Variants in PLXNB1 observed in about 807,000 individuals in gnomAD.
The protein encoded by PLXNB1 is plexin B1.
Under a neutral mutation model 209.4 loss-of-function variants are expected in PLXNB1, and 106 were observed. That is an observed-to-expected ratio of 0.51 (90% CI 0.43 to 0.59). The LOEUF (loss-of-function observed/expected upper bound fraction) is 0.59. PLXNB1 is among the 20% of genes least tolerant of loss of function. The pLI is 0.00. For synonymous variants in PLXNB1, 1,167 were observed against 1,183.2 expected (o/e 0.99, Z 0.28); for missense variants, 2,357 against 2,853.2 (o/e 0.83, Z 3.96).
At chr3:48,407,435 G>A (rs900319938) in intron 34 of PLXNB1, among the ~76,000 whole-genome samples, 1 of 152,104 alleles carries the variant, frequency 6.6e-6, no homozygotes, top group Non-Finnish European at 1.5e-5. Flanking sequence ...TTTTAAAAAT[G>A]AGCAAACAGA....
In PLXNB1 at chr3:48,417,056, G is replaced by A. The variant is rs959602854; in HGVS notation, c.3375-605C>T. Among the ~76,000 whole-genome samples, 3 of 152,186 alleles carry A rather than the reference G, an allele frequency of 2.0e-5. No homozygotes were observed. Among genetic ancestry groups the A allele is most frequent in the African/African-American group, 7.2e-5 (3 of 41,434 alleles). ...CACTAGGAAGACACAAGTGACGTGT[G>A]AGCCACCCAGGGGAGGCTCCAGACA... On this transcript the variant is annotated intron_variant, in intron 16 of 37. Transcript: ENST00000296440. The surrounding 1 kb of genome is among the most constrained non-coding windows in gnomAD (Gnocchi z 4.4).
At position 48,416,623 on chromosome 3, in the gene PLXNB1, A is replaced by G. The variant is rs1239203212; in HGVS notation, c.3375-172T>C. ...AGGGAATTCTTTATGACACATCAGA[A>G]GGCCTTGGTATCTGAGAATTAATAT... is the stretch of plus-strand genomic sequence containing the variant. On this transcript the variant is annotated intron_variant, in intron 16 of 37. Coordinates refer to ENST00000296440, the MANE Select transcript of PLXNB1 (RefSeq NM_001130082.3). This position sits in a 1 kb window ranked among gnomAD's most constrained non-coding sequence, Gnocchi z 4.1. 1 of 445,214 alleles carries G rather than the reference A, an allele frequency of 2.2e-6. No homozygotes were observed. The highest frequency in any genetic ancestry group is 4.2e-5 in the Admixed American group (1 of 23,926). The allele number at this position is 445,214 out of a possible 1,614,324, so 27.6% of individuals were successfully genotyped here.
intron 1 of PLXNB1, among the ~76,000 whole-genome samples, chr3:48,427,194 CAA>C (rs1041848109): frequency 3.4e-5 from 5 of 146,534 alleles, no homozygotes; most frequent in Non-Finnish European, 6.0e-5. Context: ...AAAACAAAAA[CAA>C]AAAAAAAACA....
Position 48,414,940 on chromosome 3 carries a change from G to A in PLXNB1, c.4068C>T (p.Ile1356=), listed in dbSNP as rs2037974760. ...CAAAGTCAAAGACCAGGTTGTCAAG[G>A]ATAAATTCCACCCGGACCCAGGGGT... ...PEDPWVRVEF[I]LDNLVFDFAT... is the part of the protein sequence containing the mutation. Residue 1356 remains isoleucine, a synonymous_variant, in exon 21 of 38, where the codon ATC becomes ATT. Coordinates refer to ENST00000296440, the MANE Select transcript of PLXNB1 (RefSeq NM_001130082.3). 1.2e-6 allele frequency: 2 copies of A among 1,613,960 alleles called. No individual in the cohort carries two copies. Among genetic ancestry groups the A allele is most frequent in the South Asian group, 1.1e-5 (1 of 91,086 alleles).
In PLXNB1 at chr3:48,419,892, T is replaced by G; in HGVS notation, c.2394A>C (p.Ala798=). 6.4e-7 allele frequency: 1 copy of G among 1,564,658 alleles called. No homozygotes were observed. The highest frequency in any genetic ancestry group is 1.7e-4 in the Middle Eastern group (1 of 5,822). ...GGCCAGGGTCTGCAGGGGGCACTGCTGCTACCTCTGAGGGTGACAGCGGGG... is the reference window on the plus strand; with the variant it reads ...GGCCAGGGTCTGCAGGGGGCACTGCGGCTACCTCTGAGGGTGACAGCGGGG... ...LASPLSPSEV[A]AVPPADPGPE... The change falls in exon 11 of 38, where the codon GCA becomes GCC. Residue 798 remains alanine (A), a synonymous_variant. Coordinates refer to ENST00000296440, the MANE Select transcript of PLXNB1 (RefSeq NM_001130082.3). This position sits in a 1 kb window ranked among gnomAD's most constrained non-coding sequence, Gnocchi z 5.7.
In PLXNB1 at chr3:48,418,573, G is replaced by C; in HGVS notation, c.2956-31C>G. 1.3e-6 allele frequency: 2 copies of C among 1,540,930 alleles called. No individual in the cohort carries two copies. Among genetic ancestry groups the C allele is most frequent in the South Asian group, 2.3e-5 (2 of 85,594 alleles). On this transcript the variant is annotated intron_variant, in intron 13 of 37. Transcript: ENST00000296440. The surrounding 1 kb of genome is among the most constrained non-coding windows in gnomAD (Gnocchi z 6.6). ...GAAATGGGAGTGGGTTCAGAGTCAA[G>C]CACTGGGGGAAGTGTCAGGCCTGGG...
chr3:48,418,300 T>A lies in PLXNB1; in HGVS notation c.3113A>T (p.Gln1038Leu), dbSNP rs774258229. 3 of 1,613,762 alleles carry A rather than the reference T, an allele frequency of 1.9e-6. No homozygotes were observed. The highest frequency in any genetic ancestry group is 2.5e-6 in the Non-Finnish European group (3 of 1,180,024). Residue 1038 changes from glutamine (Q) to leucine (L), a missense_variant, in exon 15 of 38, where the codon CAG becomes CTG. Coordinates refer to ENST00000296440, the MANE Select transcript of PLXNB1 (RefSeq NM_001130082.3). This position sits in a 1 kb window ranked among gnomAD's most constrained non-coding sequence, Gnocchi z 6.6. Reference sequence around the variant, plus strand: ...CCCCTCACACCACACACAGCCATACTGGGGCATGGCAGTTTGGCAGCGGCT... The same window carrying A: ...CCCCTCACACCACACACAGCCATACAGGGGCATGGCAGTTTGGCAGCGGCT... ...DCSRCQTAMP[Q>L]YGCVWCEGER...
chr3:48,420,657 AC>A lies in PLXNB1; in HGVS notation c.2028+7del. The A allele has an allele frequency of 6.2e-7, 1 of 1,610,568 alleles. No homozygotes were observed. The highest frequency in any genetic ancestry group is 8.5e-7 in the Non-Finnish European group (1 of 1,177,266). ...CCCCGGTATGGCCCAGCCCAAAGTC[AC>A]ACTCACCTGATGGCTTGCAACCATG... On this transcript the variant is annotated splice_region_variant and intron_variant, in intron 10 of 37. Transcript: ENST00000296440.
chr3:48,412,156 G>A, intron 27 of PLXNB1, 82 bp downstream of exon 27: 1 of 1,513,470 alleles, frequency 6.6e-7, no homozygotes, highest in Non-Finnish European at 9.2e-7. Context: ...AAGTGTCCGA[G>A]CTGCATGGTG....
chr3:48,426,866 C>G (rs1041565271), intron 1 of PLXNB1, among the ~76,000 whole-genome samples: 1 of 152,162 alleles, frequency 6.6e-6, no homozygotes, highest in Admixed American at 6.5e-5. Flanking sequence ...AAGAGCCCCC[C>G]ACCTAGTTTC....
At chr3:48,421,166 C>A (rs933216775) in intron 8 of PLXNB1, 62 bp downstream of exon 8, 431 of 1,560,152 alleles carry the variant, frequency 2.8e-4, no homozygotes, top group Admixed American at 3.9e-4. Context: ...CACACTTTAA[C>A]CCCACCGCAT....
chr3:48,420,634 C>A, intron 10 of PLXNB1, 31 bp downstream of exon 10: 1 of 1,571,418 alleles, frequency 6.4e-7, no homozygotes, highest in Non-Finnish European at 8.8e-7. Flanking sequence ...CCCAACCCCC[C>A]CGGTATGGCC....
At position 48,403,879 on chromosome 3, in the gene PLXNB1, A is replaced by C. The variant is rs2037155918; in HGVS notation, c.*607T>G. On this transcript the variant is annotated 3_prime_UTR_variant, in exon 38 of 38. Transcript: ENST00000296440. ...TGCAGTGTGTTATCCTTTAATGAAAAGCTGGGTCAATGGAGTCACCACTCT... is the reference window on the plus strand; with the variant it reads ...TGCAGTGTGTTATCCTTTAATGAAACGCTGGGTCAATGGAGTCACCACTCT... The C allele has an allele frequency of 6.5e-6, 1 of 152,966 alleles. No individual in the cohort carries two copies. The highest frequency in any genetic ancestry group is 1.5e-5 in the Non-Finnish European group (1 of 68,280). 9.5% of individuals were successfully genotyped at this position (152,966 alleles called of 1,614,324 possible).
In PLXNB1 at chr3:48,412,793, T is replaced by C; in HGVS notation, c.4803A>G (p.Gln1601=). The stretch of plus-strand genomic sequence containing the variant: ...GCAGGTTAGAGAGCTGCCCCAGCCC[T>C]TGCTCCACAGTGGGCCGTCTGCTCT... ...VPESRRPTVE[Q]GLGQLSNLLN... The change falls in exon 25 of 38, where the codon CAA becomes CAG. Residue 1601 remains glutamine (Q), a synonymous_variant. Coordinates refer to ENST00000296440, the MANE Select transcript of PLXNB1 (RefSeq NM_001130082.3). The C allele has an allele frequency of 6.2e-7, 1 of 1,613,600 alleles. No individual in the cohort carries two copies. Among genetic ancestry groups the C allele is most frequent in the Non-Finnish European group, 8.5e-7 (1 of 1,179,980 alleles).
At chr3:48,426,695 T>C (rs1034014867) in intron 1 of PLXNB1, among the ~76,000 whole-genome samples, 1 of 152,144 alleles carries the variant, frequency 6.6e-6, no homozygotes, top group Non-Finnish European at 1.5e-5. Context: ...CCGAAATAGC[T>C]TGGGGGTTTC....
Position 48,410,877 on chromosome 3 carries a change from G to C in PLXNB1, c.5407C>G (p.Leu1803Val), listed in dbSNP as rs1166448197. The C allele has an allele frequency of 3.1e-6, 5 of 1,610,886 alleles. No individual in the cohort carries two copies. In the Admixed American group the frequency reaches 6.7e-5, roughly 22 times the overall value. Residue 1803 changes from leucine to valine, a missense_variant, in exon 29 of 38, where the codon CTT (leucine) becomes GTT (valine). Physicochemically the swap from Leu to Val is conservative, Grantham distance 32. This residue lies in a region of PLXNB1 where 414 missense variants were observed against 520.5 expected (regional missense o/e 0.80). Coordinates refer to ENST00000296440, the MANE Select transcript of PLXNB1 (RefSeq NM_001130082.3). The surrounding 1 kb of genome is among the most constrained non-coding windows in gnomAD (Gnocchi z 6.4). ...PLTQRPDPRT[L>V]DVEWRSGVAG... ...CTCTCCACGCCCTCACCAACATCAA[G>C]GGTGCGAGGGTCTGGCCGCTGGGTG...
In PLXNB1 at chr3:48,407,061, G is replaced by T; in HGVS notation, c.6118C>A (p.Arg2040=). ...DSPINKLLYA[R]DIPRYKRMVE... is the part of the protein sequence containing the mutation. ...ATCCGCTTGTACCGGGGAATGTCCCGTGCATACAGAAGTTTGTTGATCGGG... is the reference window on the plus strand; with the variant it reads ...ATCCGCTTGTACCGGGGAATGTCCCTTGCATACAGAAGTTTGTTGATCGGG... The change falls in exon 35 of 38, where the codon CGG becomes AGG. Residue 2040 remains arginine, a synonymous_variant. Coordinates refer to ENST00000296440, the MANE Select transcript of PLXNB1 (RefSeq NM_001130082.3). 6.2e-7 allele frequency: 1 copy of T among 1,614,062 alleles called. No individual in the cohort carries two copies. Among genetic ancestry groups the T allele is most frequent in the Non-Finnish European group, 8.5e-7 (1 of 1,180,004 alleles).
chr3:48,417,898 G>A lies in PLXNB1; in HGVS notation c.3374+13C>T. 1 of 1,602,668 alleles carries A rather than the reference G, an allele frequency of 6.2e-7. No individual in the cohort carries two copies. Among genetic ancestry groups the A allele is most frequent in the Non-Finnish European group, 8.5e-7 (1 of 1,172,854 alleles). ...AGGCTGCGCCGTGCTCCTGCTGGGT[G>A]CAGCCAGCTTACCTGCTGGAGACCT... On this transcript the variant is annotated intron_variant, in intron 16 of 37. Transcript: ENST00000296440. This position sits in a 1 kb window ranked among gnomAD's most constrained non-coding sequence, Gnocchi z 4.4.
intron 7 of PLXNB1, 76 bp from the exon 8 acceptor site, chr3:48,421,460 T>A (rs962603524): frequency 7.6e-6 from 11 of 1,454,774 alleles, no homozygotes; most frequent in Non-Finnish European, 1.0e-5. Flanking sequence ...GGACACCCAA[T>A]GTGGGCAGGC....
Sources: gnomAD v4.1 joint callset for allele counts (sites outside exome capture counted in the v4.1 genomes callset) on GRCh38, gnomAD v4.1.1 for gene constraint, gnomAD v4.1.1 regional missense constraint, Gnocchi (gnomAD v3.1) non-coding constraint, MANE v1.5 for transcripts, NCBI Gene and HGNC (gene_info 2026-07-23, HGNC 2026-07-21) for gene names.